SNX29: variants seen among roughly 807,000 people sequenced by gnomAD.
SNX29 encodes the protein sorting nexin 29, also known as sorting nexin-29.
SNX29 carries 78 observed loss-of-function variants against 102.1 expected under a neutral mutation model. The ratio of observed to expected loss-of-function variants is 0.76; its 90% confidence interval spans 0.64 to 0.92. The LOEUF (loss-of-function observed/expected upper bound fraction) is 0.92. Ranked by LOEUF, SNX29 falls within the 40% of genes least tolerant of loss-of-function variation. The pLI is 0.00. For synonymous variants in SNX29, 580 were observed against 414.5 expected (o/e 1.40, Z -4.85); for missense variants, 1,280 against 1,061.7 (o/e 1.21, Z -2.86).
At chr16:12,313,893 G>A (rs907305214) in intron 15 of SNX29, among the ~76,000 whole-genome samples, 9 of 152,226 alleles carry the variant, frequency 5.9e-5, no homozygotes, top group Admixed American at 1.3e-4. Flanking sequence ...ATGAGACTGA[G>A]GCTCAAAAAC....
chr16:12,430,828 G>A (rs2151626504), intron 18 of SNX29, among the ~76,000 whole-genome samples: 1 of 151,942 alleles, frequency 6.6e-6, no homozygotes. Flanking sequence ...AAAGCTTCCA[G>A]GAGGGGGTGA....
Position 12,353,402 on chromosome 16 carries a change from G to GACACACACACA in SNX29, c.1783-2761_1783-2760insACACACACACA, listed in dbSNP as rs2082044497. ...TGGGAACTTATCCTGCCCCAGATGT[G>GACACACACACA]CTGCCAAGCCTGCTAAGTGCGGCAT... On this transcript the variant is annotated intron_variant, in intron 15 of 20. Coordinates refer to ENST00000566228, the MANE Select transcript of SNX29 (RefSeq NM_032167.5). 2.0e-5 allele frequency among the ~76,000 whole-genome samples: 3 copies of GACACACACACA among 151,654 alleles called. 1 individual carries two copies. The highest frequency in any genetic ancestry group is 7.3e-5 in the African/African-American group (3 of 40,912).
At chr16:12,219,288 AT>A (rs1391844090) in intron 14 of SNX29, among the ~76,000 whole-genome samples, 4 of 150,698 alleles carry the variant, frequency 2.7e-5, no homozygotes, top group Non-Finnish European at 5.9e-5. Context: ...AACATCTTCT[AT>A]AAAAGTGGTT....
chr16:12,256,931 C>A (rs1338237645), intron 14 of SNX29, among the ~76,000 whole-genome samples: 1 of 152,158 alleles, frequency 6.6e-6, no homozygotes, highest in East Asian at 1.9e-4. Flanking sequence ...CACCGTCTTC[C>A]CCACTGTATT....
At chr16:12,095,571 T>C (rs1036109637) in intron 11 of SNX29, among the ~76,000 whole-genome samples, 1 of 152,202 alleles carries the variant, frequency 6.6e-6, no homozygotes, top group Non-Finnish European at 1.5e-5. Flanking sequence ...AGTCATGCAT[T>C]GCCAGTCACT....
chr16:12,269,857 A>G (rs1341224001), intron 14 of SNX29, among the ~76,000 whole-genome samples: 1 of 115,832 alleles, frequency 8.6e-6, no homozygotes, highest in Non-Finnish European at 1.9e-5. Flanking sequence ...CATCATCATC[A>G]TCATTATTAT....
At chr16:12,179,475 C>A in intron 13 of SNX29, among the ~76,000 whole-genome samples, 1 of 152,224 alleles carries the variant, frequency 6.6e-6, no homozygotes, top group Non-Finnish European at 1.5e-5. Context: ...CAGAGTGAGA[C>A]CCTGTCTCAA....
intron 18 of SNX29, among the ~76,000 whole-genome samples, chr16:12,413,278 C>G (rs897807492): frequency 6.6e-6 from 1 of 152,078 alleles, no homozygotes; most frequent in African/African-American, 2.4e-5. Context: ...CCAGGTCACT[C>G]TTGCTGAAGT....
intron 18 of SNX29, among the ~76,000 whole-genome samples, chr16:12,451,909 C>T (rs929021058): frequency 2.6e-5 from 4 of 152,124 alleles, no homozygotes; most frequent in Non-Finnish European, 4.4e-5. Context: ...CTGGCCTTAC[C>T]GGATACCTCC....
intron 16 of SNX29, among the ~76,000 whole-genome samples, chr16:12,366,546 G>T (rs76867281): frequency 0.058 from 8,788 of 152,252 alleles, 675 homozygotes; most frequent in East Asian, 0.37. Context: ...GTGGGGTGCA[G>T]TGGGCCTGCC....
chr16:12,055,011 A>G (rs568450872), intron 8 of SNX29, among the ~76,000 whole-genome samples: 1 of 152,112 alleles, frequency 6.6e-6, no homozygotes, highest in African/African-American at 2.4e-5. Flanking sequence ...GTTCTTGCTC[A>G]TAGGGTATGA....
intron 12 of SNX29, among the ~76,000 whole-genome samples, chr16:12,128,847 A>G (rs2054333672): frequency 6.6e-6 from 1 of 152,198 alleles, no homozygotes; most frequent in African/African-American, 2.4e-5. Context: ...AGAAACAGCC[A>G]GGTAGAATGA....
chr16:12,385,800 C>T (rs1259443717), intron 16 of SNX29, among the ~76,000 whole-genome samples: 1 of 152,224 alleles, frequency 6.6e-6, no homozygotes, highest in Non-Finnish European at 1.5e-5. Context: ...GTAGGGTTTT[C>T]CCACATAACA....
intron 19 of SNX29, among the ~76,000 whole-genome samples, chr16:12,493,329 C>G (rs966057442): frequency 6.6e-6 from 1 of 152,086 alleles, no homozygotes; most frequent in African/African-American, 2.4e-5. Context: ...TGATTTGGCT[C>G]TCTGTTTGTC....
intron 10 of SNX29, among the ~76,000 whole-genome samples, chr16:12,071,428 T>C (rs1469261109): frequency 6.6e-6 from 1 of 152,240 alleles, no homozygotes; most frequent in Non-Finnish European, 1.5e-5. Flanking sequence ...AAATAGGGAA[T>C]CCTTTCCCCA....
At chr16:11,993,200 T>A (rs1226689581) in intron 1 of SNX29, among the ~76,000 whole-genome samples, 1 of 130,390 alleles carries the variant, frequency 7.7e-6, no homozygotes, top group South Asian at 2.7e-4. Flanking sequence ...TAAATAAATA[T>A]CTGTGTGGCC....
At chr16:12,527,146 C>CT in intron 20 of SNX29, 1 of 515,182 alleles carries the variant, frequency 1.9e-6, no homozygotes, top group Non-Finnish European at 3.8e-6. Context: ...CCACAGCCCC[C>CT]TTCTCCTTCT....
chr16:12,007,223 G>T (rs183174790), intron 3 of SNX29, among the ~76,000 whole-genome samples: 1 of 152,188 alleles, frequency 6.6e-6, no homozygotes, highest in African/African-American at 2.4e-5. Context: ...GTTGAATCTC[G>T]GCTGGATGCA....
At chr16:12,066,599 G>A (rs1215717233) in intron 9 of SNX29, among the ~76,000 whole-genome samples, 1 of 152,150 alleles carries the variant, frequency 6.6e-6, no homozygotes, top group Non-Finnish European at 1.5e-5. Context: ...CCAAGACCTT[G>A]CCAGATGTGC....
Sources: allele counts gnomAD v4.1 joint callset (sites outside exome capture counted in the v4.1 genomes callset), GRCh38; gene constraint gnomAD v4.1.1; transcripts MANE v1.5; gene names NCBI Gene and HGNC (gene_info 2026-07-23, HGNC 2026-07-21).